RSBN1L: variants seen among roughly 807,000 people sequenced by gnomAD.
The protein encoded by RSBN1L is lysine-specific demethylase RSBN1L.
A neutral mutation model predicts 67.7 loss-of-function variants in RSBN1L; 30 were observed. The ratio of observed to expected loss-of-function variants is 0.44; its 90% CI spans 0.33 to 0.60. The LOEUF (loss-of-function observed/expected upper bound fraction) is 0.60, where lower values mean the gene tolerates loss of function less well. RSBN1L is among the 20% of genes least tolerant of loss of function. The probability of loss-of-function intolerance (pLI) is 0.02; values close to 1 mark genes in which losing one functional copy is unlikely to be tolerated. For synonymous variants in RSBN1L, 433 were observed against 387.0 expected, an observed-to-expected ratio of 1.12 and a Z score of -1.39; for missense variants, 992 against 1,031.7, an observed-to-expected ratio of 0.96 and a Z score of 0.53.
At chr7:77,736,699 A>G (rs1219987548) in intron 2 of RSBN1L, among the ~76,000 whole-genome samples, 173 bp downstream of exon 2, 1 of 152,208 alleles carries the variant, frequency 6.6e-6, no homozygotes, top group African/African-American at 2.4e-5. Flanking sequence ...GTATGGTAAC[A>G]TGTCTTATAG....
chr7:77,750,600 G>A (rs117419488), intron 3 of RSBN1L, among the ~76,000 whole-genome samples: 2,798 of 152,242 alleles, frequency 0.018, 38 homozygotes, highest in Middle Eastern at 0.072. Flanking sequence ...CTATGGTGGA[G>A]AATATATATT....
At chr7:77,701,248 T>A (rs1342681108) in intron 1 of RSBN1L, among the ~76,000 whole-genome samples, 1 of 151,858 alleles carries the variant, frequency 6.6e-6, no homozygotes, top group Non-Finnish European at 1.5e-5. Flanking sequence ...GGTTGTTTCC[T>A]CTTTAGGCCT....
rs1313316157 is a variant in RSBN1L at position 77,782,733 on chromosome 7, G to T, written c.*3565G>T. ...TTTTCTCGAGTGGTGGTCATTGAGG[G>T]TAGGGAAGATTTTATTTTTTAAGTT... is the stretch of plus-strand genomic sequence containing the variant. On this transcript the variant is annotated 3_prime_UTR_variant, in exon 8 of 8. Transcript: ENST00000334955. 1.3e-5 allele frequency: 2 copies of T among 152,132 alleles called. No homozygotes were observed. Among genetic ancestry groups the T allele is most frequent in the Non-Finnish European group, 2.9e-5 (2 of 68,020 alleles). The allele number at this position is 152,132 out of a possible 1,614,324, so 9.4% of individuals were successfully genotyped here. A position where few individuals can be genotyped will look rare whatever the true frequency, so the allele number is the denominator to read the frequency against.
At chr7:77,741,037 A>C (rs1162894499) in intron 2 of RSBN1L, among the ~76,000 whole-genome samples, 1 of 135,532 alleles carries the variant, frequency 7.4e-6, no homozygotes, top group East Asian at 2.1e-4. Context: ...CCCAGTCTGG[A>C]GTGCGATGGC....
chr7:77,750,751 G>A (rs1012092786), intron 3 of RSBN1L, among the ~76,000 whole-genome samples: 1 of 152,116 alleles, frequency 6.6e-6, no homozygotes, highest in Non-Finnish European at 1.5e-5. Context: ...ATTTATTGAT[G>A]CTGTAGTTTT....
At chr7:77,744,487 T>C (rs1481593368) in intron 2 of RSBN1L, among the ~76,000 whole-genome samples, 1 of 152,146 alleles carries the variant, frequency 6.6e-6, no homozygotes, top group African/African-American at 2.4e-5. Flanking sequence ...TAGACTTTTT[T>C]TTTGAGGGGG....
chr7:77,771,510 TC>T (rs1366983946), intron 5 of RSBN1L, among the ~76,000 whole-genome samples: 3 of 108,034 alleles, frequency 2.8e-5, no homozygotes, highest in Admixed American at 8.7e-5. Context: ...CCTCAGCGAC[TC>T]TTTTTTTTTT....
At chr7:77,776,789 T>C (rs1322404601) in intron 6 of RSBN1L, among the ~76,000 whole-genome samples, 1 of 152,156 alleles carries the variant, frequency 6.6e-6, no homozygotes, top group African/African-American at 2.4e-5. Context: ...AACTTATCTG[T>C]ATGTCTATAT....
intron 6 of RSBN1L, among the ~76,000 whole-genome samples, chr7:77,774,597 C>G (rs888846833): frequency 2.0e-5 from 3 of 152,134 alleles, no homozygotes; most frequent in South Asian, 2.1e-4. Context: ...ATTAGCTGGC[C>G]GTGGTGGCAC....
At chr7:77,706,101 A>T (rs1435942857) in intron 1 of RSBN1L, among the ~76,000 whole-genome samples, 2 of 145,902 alleles carry the variant, frequency 1.4e-5, no homozygotes, top group Non-Finnish European at 3.0e-5. Context: ...TTTGAGACGG[A>T]ATCTTGCTTT....
intron 1 of RSBN1L, among the ~76,000 whole-genome samples, chr7:77,705,606 G>T (rs1313603304): frequency 7.0e-6 from 1 of 143,614 alleles, no homozygotes; most frequent in Non-Finnish European, 1.5e-5. Flanking sequence ...CTGCCTCCCG[G>T]GTTCCAGTGA....
chr7:77,761,349 A>G (rs901145784), intron 3 of RSBN1L, among the ~76,000 whole-genome samples: 1 of 152,148 alleles, frequency 6.6e-6, no homozygotes, highest in African/African-American at 2.4e-5. Context: ...AAGAAGAAGA[A>G]CTTTTATGAG....
intron 2 of RSBN1L, among the ~76,000 whole-genome samples, chr7:77,743,712 A>G (rs1375240157): frequency 2.6e-5 from 4 of 152,336 alleles, no homozygotes; most frequent in South Asian, 4.1e-4. Flanking sequence ...TTTGGCAACA[A>G]TTGCGTAATT....
chr7:77,775,853 C>G (rs935063635), intron 6 of RSBN1L, among the ~76,000 whole-genome samples: 1 of 152,152 alleles, frequency 6.6e-6, no homozygotes, highest in African/African-American at 2.4e-5. Flanking sequence ...GTCAGGAGTT[C>G]CAGACCAGCC....
intron 6 of RSBN1L, among the ~76,000 whole-genome samples, chr7:77,776,954 A>G (rs1053638218): frequency 2.7e-5 from 4 of 150,546 alleles, no homozygotes; most frequent in East Asian, 1.9e-4. Context: ...GCTTTTTCCA[A>G]TTTGCTTCTT....
chr7:77,749,522 C>T lies in RSBN1L; in HGVS notation c.802C>T (p.Arg268Cys), dbSNP rs768453608. 6.8e-6 allele frequency: 11 copies of T among 1,607,800 alleles called. No individual in the cohort carries two copies. The highest frequency in any genetic ancestry group is 5.1e-5 in the Admixed American group (3 of 58,504). Residue 268 changes from arginine to cysteine, a missense_variant, in exon 3 of 8, where the codon CGT becomes TGT. This residue lies in a region of RSBN1L where 575 missense variants were observed against 483.2 expected (regional missense o/e 1.19). Transcript: ENST00000334955. Reference sequence around the variant, plus strand: ...ACACAAAGAGAATGAAAAACGGAAGCGTCCGAAAATGTATAGCAAATCTAT... The same window carrying T: ...ACACAAAGAGAATGAAAAACGGAAGTGTCCGAAAATGTATAGCAAATCTAT... ...KKHKENEKRKRPKMYSKSIQT... is the reference protein window; with the variant it reads ...KKHKENEKRKCPKMYSKSIQT...
chr7:77,730,814 T>C (rs1176941518), intron 1 of RSBN1L, among the ~76,000 whole-genome samples: 1 of 152,258 alleles, frequency 6.6e-6, no homozygotes, highest in African/African-American at 2.4e-5. Context: ...TTGCCAATTA[T>C]GAGTAAACCT....
At chr7:77,771,068 A>G (rs545281535) in intron 5 of RSBN1L, among the ~76,000 whole-genome samples, 1 of 152,078 alleles carries the variant, frequency 6.6e-6, no homozygotes, top group Non-Finnish European at 1.5e-5. Flanking sequence ...CAGCCTCCCG[A>G]GTAGCTGGGA....
chr7:77,731,014 G>A (rs538693621), intron 1 of RSBN1L, among the ~76,000 whole-genome samples: 20 of 152,282 alleles, frequency 1.3e-4, no homozygotes, highest in African/African-American at 4.6e-4. Flanking sequence ...AGTTCCTTTT[G>A]CTCTGTATTT....
Sources: gnomAD v4.1 joint callset for allele counts (sites outside exome capture counted in the v4.1 genomes callset) on GRCh38, gnomAD v4.1.1 for gene constraint, gnomAD v4.1.1 regional missense constraint, MANE v1.5 for transcripts, NCBI Gene and HGNC (gene_info 2026-07-23, HGNC 2026-07-21) for gene names.